The following SCAPER variants were observed in gnomAD, a reference collection of about 807,000 sequenced individuals.
SCAPER encodes the protein S-phase cyclin A associated protein in the ER.
In SCAPER, 98 loss-of-function variants were observed where a neutral mutation model predicts 182.2. The ratio of observed to expected loss-of-function variants is 0.54; its 90% CI spans 0.46 to 0.64. The LOEUF is 0.64. SCAPER is among the 30% of genes least tolerant of loss of function. The pLI is 0.00. For missense variants in SCAPER, 1,432 were observed against 1,690.0 expected (o/e 0.85, Z 2.68); for synonymous variants, 605 against 564.6 (o/e 1.07, Z -1.01).
chr15:76,817,572 C>T lies in SCAPER; in HGVS notation c.394-12939G>A, dbSNP rs145519255. Among the ~76,000 whole-genome samples the T allele has an allele frequency of 4.9e-4, 74 of 152,192 alleles. 1 individual carries two copies. The East Asian group carries it at 0.013, about 27-fold the overall frequency. On this transcript the variant is annotated intron_variant, in intron 5 of 31. Transcript: ENST00000563290. ...TCACTAAAAGAGTAGTTTTGTTACT[C>T]TTACCACACACACAAAAAGGTAACT...
At chr15:76,416,901 A>C (rs544911088) in intron 26 of SCAPER, among the ~76,000 whole-genome samples, 1 of 152,228 alleles carries the variant, frequency 6.6e-6, no homozygotes. Flanking sequence ...GAAAAAGTGA[A>C]TTAAAAAAGT....
chr15:76,788,159 G>C (rs935253504), intron 8 of SCAPER, among the ~76,000 whole-genome samples: 3 of 152,066 alleles, frequency 2.0e-5, no homozygotes, highest in Admixed American at 2.0e-4. Flanking sequence ...AAAATTCTCT[G>C]GTAACACCAA....
chr15:76,578,519 C>T (rs1170824801), intron 22 of SCAPER, among the ~76,000 whole-genome samples: 1 of 152,198 alleles, frequency 6.6e-6, no homozygotes, highest in African/African-American at 2.4e-5. Flanking sequence ...GAGAGAGACT[C>T]CATTTGTTTG....
rs533942671 is a variant in SCAPER at position 76,416,723 on chromosome 15, C to T, written c.3312-12044G>A. Among the ~76,000 whole-genome samples, 43 of 151,930 alleles carry T rather than the reference C, an allele frequency of 2.8e-4. No homozygotes were observed. The South Asian group carries it at 2.9e-3, about 10-fold the overall frequency. On this transcript the variant is annotated intron_variant, in intron 26 of 31. Coordinates refer to ENST00000563290, the MANE Select transcript of SCAPER (RefSeq NM_020843.4). ...AATCAATTGTATGAAAATAGAAAAA[C>T]AAAAGGAAAAGAAGAGCATACAAAG... is the stretch of plus-strand genomic sequence containing the variant.
At position 76,775,053 on chromosome 15, in the gene SCAPER, T is replaced by G; in HGVS notation, c.837A>C (p.Thr279=). The change falls in exon 9 of 32, where the codon ACA becomes ACC. Residue 279 remains threonine (T), a synonymous_variant. Transcript: ENST00000563290. ...QRGRPIRSRS[T]AVMPKVSLAT... is the part of the protein sequence containing the mutation. The stretch of plus-strand genomic sequence containing the variant: ...CCAATGAAACTTTTGGCATCACTGC[T>G]GTTGATCGAGAACGAATAGGCCTTC... 6.2e-7 allele frequency: 1 copy of G among 1,613,854 alleles called. No homozygotes were observed. Among genetic ancestry groups the G allele is most frequent in the Non-Finnish European group, 8.5e-7 (1 of 1,179,770 alleles).
intron 17 of SCAPER, among the ~76,000 whole-genome samples, chr15:76,727,142 T>A (rs1468842179): frequency 6.6e-6 from 1 of 152,004 alleles, no homozygotes; most frequent in Non-Finnish European, 1.5e-5. Context: ...AGAAAAACAT[T>A]TAGTAGCATG....
At chr15:76,486,522 A>AC in intron 24 of SCAPER, among the ~76,000 whole-genome samples, 1 of 152,288 alleles carries the variant, frequency 6.6e-6, no homozygotes, top group African/African-American at 2.4e-5. Context: ...ATAAAAAAAA[A>AC]ACCCCATTAA....
intron 21 of SCAPER, among the ~76,000 whole-genome samples, chr15:76,654,787 T>C (rs865990452): frequency 6.6e-6 from 1 of 152,206 alleles, no homozygotes; most frequent in Non-Finnish European, 1.5e-5. Flanking sequence ...CTTACTCTTT[T>C]ACAATTTTGG....
At chr15:76,735,728 TAAGAA>T (rs1416517151) in intron 15 of SCAPER, among the ~76,000 whole-genome samples, 2 of 144,172 alleles carry the variant, frequency 1.4e-5, no homozygotes, top group Admixed American at 6.8e-5. Flanking sequence ...GAAAAAAAGA[TAAGAA>T]AAGAAAATAA....
At chr15:76,876,671 A>T (rs922922379) in intron 2 of SCAPER, among the ~76,000 whole-genome samples, 1 of 152,146 alleles carries the variant, frequency 6.6e-6, no homozygotes, top group African/African-American at 2.4e-5. Flanking sequence ...TCACATCAAC[A>T]GATGAAAAGA....
At chr15:76,867,918 C>G (rs2072412774) in intron 2 of SCAPER, among the ~76,000 whole-genome samples, 1 of 152,086 alleles carries the variant, frequency 6.6e-6, no homozygotes, top group Non-Finnish European at 1.5e-5. Flanking sequence ...ATGTCCAGGT[C>G]TGGGTTTGCT....
intron 25 of SCAPER, 196 bp downstream of exon 25, chr15:76,471,016 A>G (rs1173408461): frequency 7.4e-6 from 3 of 406,446 alleles, no homozygotes; most frequent in South Asian, 3.5e-5. Context: ...AAAGAATCCA[A>G]TGCAAAAATT....
chr15:76,780,148 C>T (rs1490430226), intron 8 of SCAPER, among the ~76,000 whole-genome samples: 1 of 152,218 alleles, frequency 6.6e-6, no homozygotes. Flanking sequence ...ACAGACTGTA[C>T]CTGGAAAAAC....
rs375167627 is a variant in SCAPER, at chr15:76,793,390, C to CA, written c.772+1889dup. The stretch of plus-strand genomic sequence containing the variant: ...AGGTGGCTTCAGGATGGAAGCTGGT[C>CA]ACTGGAAACAACAAGGCAGTATTAG... On this transcript the variant is annotated intron_variant, in intron 8 of 31. Coordinates refer to ENST00000563290, the MANE Select transcript of SCAPER (RefSeq NM_020843.4). 1.1e-4 allele frequency: 72 copies of CA among 631,932 alleles called. 1 individual carries two copies. The East Asian group carries it at 1.9e-3, about 17-fold the overall frequency. 39.1% of individuals were successfully genotyped at this position (631,932 alleles called of 1,614,324 possible).
intron 21 of SCAPER, among the ~76,000 whole-genome samples, chr15:76,651,366 C>T (rs2055021300): frequency 6.6e-6 from 1 of 152,096 alleles, no homozygotes; most frequent in South Asian, 2.1e-4. Flanking sequence ...TCAATGCAAG[C>T]ACACAATCTT....
At chr15:76,473,311 G>A (rs1025403959) in intron 24 of SCAPER, among the ~76,000 whole-genome samples, 1 of 152,208 alleles carries the variant, frequency 6.6e-6, no homozygotes, top group Non-Finnish European at 1.5e-5. Context: ...CCCATGTCCT[G>A]CCTGAAATAC....
chr15:76,848,291 C>G (rs552960795), intron 4 of SCAPER, among the ~76,000 whole-genome samples: 14 of 140,296 alleles, frequency 1.0e-4, no homozygotes, highest in African/African-American at 3.7e-4. Flanking sequence ...TGAGCCACCG[C>G]GCCTGGCCTA....
At chr15:76,548,606 G>C (rs2045492627) in intron 23 of SCAPER, among the ~76,000 whole-genome samples, 1 of 152,138 alleles carries the variant, frequency 6.6e-6, no homozygotes, top group African/African-American at 2.4e-5. Flanking sequence ...AATGGGAAAA[G>C]GGTTAAAAGA....
intron 25 of SCAPER, among the ~76,000 whole-genome samples, chr15:76,468,311 T>C (rs955241987): frequency 1.3e-5 from 2 of 151,928 alleles, no homozygotes; most frequent in Admixed American, 6.6e-5. Context: ...GAAAGTGCCA[T>C]GTATAAGAAA....
Sources: allele counts gnomAD v4.1 joint callset (sites outside exome capture counted in the v4.1 genomes callset), GRCh38; gene constraint gnomAD v4.1.1; transcripts MANE v1.5; gene names NCBI Gene and HGNC (gene_info 2026-07-23, HGNC 2026-07-21).